DISP3: variants seen among roughly 807,000 people sequenced by gnomAD.
The protein encoded by DISP3 is protein dispatched homolog 3.
Under a neutral mutation model 135.3 loss-of-function variants are expected in DISP3, and 101 were observed. The observed-to-expected ratio is 0.75, with a 90% CI of 0.64 to 0.88. The LOEUF (loss-of-function observed/expected upper bound fraction) is 0.88. Ranked by LOEUF, DISP3 falls within the 40% of genes least tolerant of loss-of-function variation. The pLI is 0.00. For synonymous variants in DISP3, 856 were observed against 817.0 expected (o/e 1.05, Z -0.81); for missense variants, 1,713 against 1,878.6 (o/e 0.91, Z 1.63).
rs1407879733 is a variant in DISP3 at position 11,525,148 on chromosome 1, C to G, written c.2477-28C>G. On this transcript the variant is annotated intron_variant, in intron 11 of 20. Coordinates refer to ENST00000294484, the MANE Select transcript of DISP3 (RefSeq NM_020780.2). ...AGAAGCCAGTCGAGGTCAAGTCCAC[C>G]CCTCTTTCATCCCTTATTTGTCCGT... 6 of 1,610,618 alleles carry G rather than the reference C, an allele frequency of 3.7e-6. No individual in the cohort carries two copies. The South Asian group carries it at 5.5e-5, about 15-fold the overall frequency.
At chr1:11,527,472 C>A (rs912790220) in intron 13 of DISP3, among the ~76,000 whole-genome samples, 1 of 151,896 alleles carries the variant, frequency 6.6e-6, no homozygotes, top group African/African-American at 2.4e-5. Flanking sequence ...TCACTTGAAC[C>A]CAGAGGCAGA....
chr1:11,520,981 C>G lies in DISP3; in HGVS notation c.2362+133C>G. 8.9e-7 allele frequency: 1 copy of G among 1,126,772 alleles called. No individual in the cohort carries two copies. The highest frequency in any genetic ancestry group is 1.2e-6 in the Non-Finnish European group (1 of 815,638). The allele number at this position is 1,126,772 out of a possible 1,614,324, so 69.8% of individuals were successfully genotyped here. A position where few individuals can be genotyped will look rare whatever the true frequency, so the allele number is the denominator to read the frequency against. On this transcript the variant is annotated intron_variant, in intron 10 of 20. Transcript: ENST00000294484. The surrounding 1 kb of genome is among the most constrained non-coding windows in gnomAD (Gnocchi z 4.8). The stretch of plus-strand genomic sequence containing the variant: ...GGCAAATCCCACTCCCCTCTGAGCC[C>G]CCATGTTCCCACAGTTCATTCAACA...
chr1:11,535,025 C>T lies in DISP3; in HGVS notation c.3550C>T (p.Leu1184=). ...FMEIVGVQSA[L]CGLVLSLLIC... ...CTCCCTTGCAGGGGTGCAGAGCGCCCTGTGCGGCCTGGTGCTATCCCTGCT... is the reference window on the plus strand; with the variant it reads ...CTCCCTTGCAGGGGTGCAGAGCGCCTTGTGCGGCCTGGTGCTATCCCTGCT... The change falls in exon 19 of 21, where the codon CTG becomes TTG. Residue 1184 remains leucine (L), a synonymous_variant. Transcript: ENST00000294484. 40 of 1,590,416 alleles carry T rather than the reference C, an allele frequency of 2.5e-5. No individual in the cohort carries two copies. The highest frequency in any genetic ancestry group is 3.4e-5 in the Non-Finnish European group (40 of 1,171,336).
Position 11,501,635 on chromosome 1 carries a change from G to T in DISP3, c.643G>T (p.Ala215Ser), listed in dbSNP as rs183856902. The T allele has an allele frequency of 5.4e-4, 869 of 1,608,942 alleles. 5 individuals are homozygous for T. In the African/African-American group the frequency reaches 0.01, roughly 19 times the overall value. ...RETPPLEDLAANQSEDPRNQR... is the reference protein window; with the variant it reads ...RETPPLEDLASNQSEDPRNQR... ...GACCCCGCCCCTGGAGGATCTGGCAGCCAACCAGAGTGAAGACCCGCGAAA... is the reference window on the plus strand; with the variant it reads ...GACCCCGCCCCTGGAGGATCTGGCATCCAACCAGAGTGAAGACCCGCGAAA... Residue 215 changes from alanine (A) to serine (S), a missense_variant, in exon 2 of 21, where the codon GCC (alanine) becomes TCC (serine). Transcript: ENST00000294484. This position sits in a 1 kb window ranked among gnomAD's most constrained non-coding sequence, Gnocchi z 4.9.
Position 11,536,306 on chromosome 1 carries a change from C to T in DISP3, c.3817-18C>T. On this transcript the variant is annotated intron_variant, in intron 20 of 20. Transcript: ENST00000294484. This position sits in a 1 kb window ranked among gnomAD's most constrained non-coding sequence, Gnocchi z 4.3. ...TCCCGCAGGCAGGCTGGGCTCCCAG[C>T]TCTCCTCTTGCCCCCAGGACGCCCG... 6.3e-7 allele frequency: 1 copy of T among 1,588,584 alleles called. No homozygotes were observed. Among genetic ancestry groups the T allele is most frequent in the Non-Finnish European group, 8.5e-7 (1 of 1,173,622 alleles).
intron 3 of DISP3, among the ~76,000 whole-genome samples, chr1:11,506,177 C>A (rs1318184070): frequency 6.6e-6 from 1 of 151,964 alleles, no homozygotes; most frequent in East Asian, 1.9e-4. Flanking sequence ...TTTAAGATTT[C>A]TTTGTCTTTG....
intron 1 of DISP3, among the ~76,000 whole-genome samples, chr1:11,498,311 C>G (rs771471184): frequency 6.6e-6 from 1 of 152,164 alleles, no homozygotes; most frequent in Non-Finnish European, 1.5e-5. Flanking sequence ...ACTCAATGAC[C>G]GGGGGCTGGA....
intron 1 of DISP3, 27 bp downstream of exon 1, chr1:11,479,399 C>T (rs534518413): frequency 2.0e-5 from 3 of 153,096 alleles, no homozygotes; most frequent in Admixed American, 6.5e-5. Flanking sequence ...GGGGCGCCAT[C>T]CGGGCTTGGT....
rs941599024 is a variant in DISP3, at chr1:11,536,802, G to A, written c.*116G>A. The A allele has an allele frequency of 4.1e-5, 55 of 1,327,676 alleles. No individual in the cohort carries two copies. Among genetic ancestry groups the A allele is most frequent in the Middle Eastern group, 5.4e-4 (2 of 3,720 alleles). 82.2% of individuals were successfully genotyped at this position (1,327,676 alleles called of 1,614,324 possible). A position where few individuals can be genotyped will look rare whatever the true frequency, so the allele number is the denominator to read the frequency against. On this transcript the variant is annotated 3_prime_UTR_variant, in exon 21 of 21. Transcript: ENST00000294484. The surrounding 1 kb of genome is among the most constrained non-coding windows in gnomAD (Gnocchi z 4.3). ...CAGGCCTGGGCCCAGGGCGCCCTGC[G>A]GGCCAGCGTGGAGGCTGACACCCAC... is the stretch of plus-strand genomic sequence containing the variant.
chr1:11,515,245 A>G, intron 4 of DISP3, 124 bp from the exon 5 acceptor site: 1 of 1,341,734 alleles, frequency 7.5e-7, no homozygotes, highest in Non-Finnish European at 1.0e-6. Context: ...CTGGGAACAG[A>G]GTGGTGAATG....
chr1:11,498,233 G>A (rs77181754), intron 1 of DISP3, among the ~76,000 whole-genome samples: 2,927 of 152,338 alleles, frequency 0.019, 85 homozygotes, highest in African/African-American at 0.067. Flanking sequence ...CAGGGCACAG[G>A]AGAGGATGGC....
At chr1:11,532,363 C>A (rs545275855) in intron 17 of DISP3, among the ~76,000 whole-genome samples, 2 of 152,324 alleles carry the variant, frequency 1.3e-5, no homozygotes, top group South Asian at 4.1e-4. Flanking sequence ...GCAAGTTACT[C>A]GTCCCCTCTG....
rs978937077 is a variant in DISP3 at position 11,499,998 on chromosome 1, C to T, written c.-3-992C>T. Among the ~76,000 whole-genome samples, 4 of 152,246 alleles carry T rather than the reference C, an allele frequency of 2.6e-5. No homozygotes were observed. Among genetic ancestry groups the T allele is most frequent in the East Asian group, 3.9e-4 (2 of 5,192 alleles). On this transcript the variant is annotated intron_variant, in intron 1 of 20. Coordinates refer to ENST00000294484, the MANE Select transcript of DISP3 (RefSeq NM_020780.2). This position sits in a 1 kb window ranked among gnomAD's most constrained non-coding sequence, Gnocchi z 5.2. ...GCAGGACAAAGGGGATAGGCCATGC[C>T]GGGGATGCCGGAAAGCCTCCTCTCT...
At chr1:11,504,862 T>C (rs1198637373) in intron 3 of DISP3, among the ~76,000 whole-genome samples, 1 of 152,246 alleles carries the variant, frequency 6.6e-6, no homozygotes, top group Non-Finnish European at 1.5e-5. Flanking sequence ...TATTCTGTTA[T>C]AGCAACATAA....
intron 1 of DISP3, among the ~76,000 whole-genome samples, chr1:11,484,082 T>C (rs1329392399): frequency 2.6e-5 from 4 of 152,184 alleles, no homozygotes; most frequent in Non-Finnish European, 4.4e-5. Flanking sequence ...AGAGGTGAAA[T>C]GCTGCTTGCT....
At position 11,516,244 on chromosome 1, in the gene DISP3, C is replaced by T. The variant is rs149945445; in HGVS notation, c.1749+83C>T. The T allele has an allele frequency of 1.0e-5, 15 of 1,506,308 alleles. No individual in the cohort carries two copies. Among genetic ancestry groups the T allele is most frequent in the African/African-American group, 6.9e-5 (5 of 72,768 alleles). 93.3% of individuals were successfully genotyped at this position (1,506,308 alleles called of 1,614,324 possible). A position where few individuals can be genotyped will look rare whatever the true frequency, so the allele number is the denominator to read the frequency against. ...CGCTGGTCTCTGCCCTTCCCACCAC[C>T]GCTTGAGTGGCCATATAGCCTTCAC... On this transcript the variant is annotated intron_variant, in intron 6 of 20. Transcript: ENST00000294484. The surrounding 1 kb of genome is among the most constrained non-coding windows in gnomAD (Gnocchi z 5.1).
intron 4 of DISP3, among the ~76,000 whole-genome samples, chr1:11,515,099 TC>T (rs1641968973): frequency 6.6e-6 from 1 of 152,246 alleles, no homozygotes; most frequent in Non-Finnish European, 1.5e-5. Context: ...CAGACACAGT[TC>T]CTACCCCCAG....
Position 11,514,484 on chromosome 1 carries a change from A to G in DISP3, c.1411A>G (p.Ser471Gly). The G allele has an allele frequency of 6.2e-7, 1 of 1,614,212 alleles. No individual in the cohort carries two copies. The highest frequency in any genetic ancestry group is 8.5e-7 in the Non-Finnish European group (1 of 1,180,022). ...NDMLLAFISS[S>G]CIAALVYILT... ...CATGCTCCTGGCCTTCATCAGCAGC[A>G]GCTGCATTGCTGCCCTGGTCTACAT... Residue 471 changes from serine to glycine, a missense_variant, in exon 4 of 21, where the codon AGC becomes GGC. Coordinates refer to ENST00000294484, the MANE Select transcript of DISP3 (RefSeq NM_020780.2).
intron 10 of DISP3, among the ~76,000 whole-genome samples, chr1:11,522,727 G>T (rs377118646): frequency 3.1e-5 from 1 of 32,586 alleles, no homozygotes. Flanking sequence ...GCCCAGCCAG[G>T]GCCCAGCCAG....
Sources: gnomAD v4.1 joint callset for allele counts (sites outside exome capture counted in the v4.1 genomes callset) on GRCh38, gnomAD v4.1.1 for gene constraint, Gnocchi (gnomAD v3.1) non-coding constraint, MANE v1.5 for transcripts, NCBI Gene and HGNC (gene_info 2026-07-23, HGNC 2026-07-21) for gene names.